The following TSSK1B variants were observed in gnomAD, a reference collection of about 807,000 sequenced individuals.
The protein encoded by TSSK1B is testis specific serine kinase 1B.
In TSSK1B, 2 loss-of-function variants were observed where a neutral mutation model predicts 4.0. That is an observed-to-expected ratio of 0.50 (90% CI 0.20 to 1.57). The LOEUF is 1.57. Ranked by LOEUF, TSSK1B falls within the 40% of genes most tolerant of loss-of-function variation. The pLI, the probability that TSSK1B is intolerant of heterozygous loss-of-function variation, is 0.22. For missense variants in TSSK1B, 488 were observed against 495.1 expected (o/e 0.99, Z 0.14); for synonymous variants, 198 against 200.7 (o/e 0.99, Z 0.11).
chr5:113,433,619 C>G lies in TSSK1B; in HGVS notation c.*117G>C, dbSNP rs1198940321. On this transcript the variant is annotated 3_prime_UTR_variant, in exon 1 of 1. Transcript: ENST00000390666. ...CAAGTTCAAGGGGAGAGAGAAGAAG[C>G]TGATGAAAATAGAGGCTCATCTGGG... 7.8e-7 allele frequency: 1 copy of G among 1,274,298 alleles called. No homozygotes were observed. Among genetic ancestry groups the G allele is most frequent in the Non-Finnish European group, 1.1e-6 (1 of 936,274 alleles). 78.9% of individuals were successfully genotyped at this position (1,274,298 alleles called of 1,614,324 possible).
chr5:113,433,359 T>A lies in TSSK1B; in HGVS notation c.*377A>T. 1 of 418,248 alleles carries A rather than the reference T, an allele frequency of 2.4e-6. No homozygotes were observed. The allele number at this position is 418,248 out of a possible 1,614,324, so 25.9% of individuals were successfully genotyped here. On this transcript the variant is annotated 3_prime_UTR_variant, in exon 1 of 1. Transcript: ENST00000390666. ...GGTCACGCAACTGCCCCGGGGACGA[T>A]GAAAGGAGGATAAATGGTGCCCAAG...
rs1010084987 is a variant in TSSK1B at position 113,433,030 on chromosome 5, C to T, written c.*706G>A. 1.3e-5 allele frequency: 2 copies of T among 152,190 alleles called. No homozygotes were observed. Among genetic ancestry groups the T allele is most frequent in the Non-Finnish European group, 2.9e-5 (2 of 68,054 alleles). The allele number at this position is 152,190 out of a possible 1,614,324, so 9.4% of individuals were successfully genotyped here. On this transcript the variant is annotated 3_prime_UTR_variant, in exon 1 of 1. Coordinates refer to ENST00000390666, the MANE Select transcript of TSSK1B (RefSeq NM_032028.4). ...TCTTTCCTCCCATTTTCTCCAGTTGCCATGCTACTCCTGAGGATCTAGGAT... is the reference window on the plus strand; with the variant it reads ...TCTTTCCTCCCATTTTCTCCAGTTGTCATGCTACTCCTGAGGATCTAGGAT...
At position 113,433,768 on chromosome 5, in the gene TSSK1B, G is replaced by A. The variant is rs1294189948; in HGVS notation, c.1072C>T (p.Pro358Ser). ...GCCCGCGTCTCTGGAGGCTGTTGGG[G>A]GGGCCCTTCCTCTGTCTCCATAGTC... ...PSTMETEEGP[P>S]QQPPETRAQ Residue 358 changes from proline to serine, a missense_variant, in exon 1 of 1, where the codon CCC becomes TCC. Physicochemically the swap from Pro to Ser is moderately conservative, Grantham distance 74. Transcript: ENST00000390666. 2.5e-6 allele frequency: 4 copies of A among 1,613,716 alleles called. No individual in the cohort carries two copies. Among genetic ancestry groups the A allele is most frequent in the Non-Finnish European group, 3.4e-6 (4 of 1,179,826 alleles).
Position 113,434,543 on chromosome 5 carries a change from G to C in TSSK1B, c.297C>G (p.Leu99=). ...GGGCTCCCCGGGTTTTGATTAACTCGAGGAGGTCGCCCTGGACCGCGAGCT... is the reference window on the plus strand; with the variant it reads ...GGGCTCCCCGGGTTTTGATTAACTCCAGGAGGTCGCCCTGGACCGCGAGCT... ...VMELAVQGDL[L]ELIKTRGALH... The change falls in exon 1 of 1, where the codon CTC becomes CTG. Residue 99 remains leucine (L), a synonymous_variant. Transcript: ENST00000390666. This position sits in a 1 kb window ranked among gnomAD's most constrained non-coding sequence, Gnocchi z 4.2. 1 of 1,613,146 alleles carries C rather than the reference G, an allele frequency of 6.2e-7. No individual in the cohort carries two copies.
Position 113,434,264 on chromosome 5 carries a change from G to A in TSSK1B, c.576C>T (p.Tyr192=). The change falls in exon 1 of 1, where the codon TAC becomes TAT. Residue 192 remains tyrosine (Y), a synonymous_variant. Coordinates refer to ENST00000390666, the MANE Select transcript of TSSK1B (RefSeq NM_032028.4). This position sits in a 1 kb window ranked among gnomAD's most constrained non-coding sequence, Gnocchi z 4.2. The part of the protein sequence containing the change: ...AAPEVLQGIP[Y]QPKVYDIWSL... ...TCCAGATGTCGTACACCTTGGGCTGGTAGGGAATGCCCTGCAGCACCTCTG... is the reference window on the plus strand; with the variant it reads ...TCCAGATGTCGTACACCTTGGGCTGATAGGGAATGCCCTGCAGCACCTCTG... The A allele has an allele frequency of 6.2e-7, 1 of 1,614,184 alleles. No individual in the cohort carries two copies. Among genetic ancestry groups the A allele is most frequent in the Non-Finnish European group, 8.5e-7 (1 of 1,180,018 alleles).
rs966855571 is a variant in TSSK1B, at chr5:113,433,089, T to G, written c.*647A>C. ...AAGAAGCACATATGGGGCACAAGATTTCTAGCACTTTAAAGCTTAATGCTT... is the reference window on the plus strand; with the variant it reads ...AAGAAGCACATATGGGGCACAAGATGTCTAGCACTTTAAAGCTTAATGCTT... On this transcript the variant is annotated 3_prime_UTR_variant, in exon 1 of 1. Coordinates refer to ENST00000390666, the MANE Select transcript of TSSK1B (RefSeq NM_032028.4). The G allele has an allele frequency of 6.5e-6, 1 of 153,384 alleles. No homozygotes were observed. Among genetic ancestry groups the G allele is most frequent in the Non-Finnish European group, 1.5e-5 (1 of 68,954 alleles). 9.5% of individuals were successfully genotyped at this position (153,384 alleles called of 1,614,324 possible). A position where few individuals can be genotyped will look rare whatever the true frequency, so the allele number is the denominator to read the frequency against.
At position 113,434,706 on chromosome 5, in the gene TSSK1B, C is replaced by T. The variant is rs534196861; in HGVS notation, c.134G>A (p.Arg45His). Residue 45 changes from arginine to histidine, a missense_variant, in exon 1 of 1, where the codon CGC becomes CAC. Coordinates refer to ENST00000390666, the MANE Select transcript of TSSK1B (RefSeq NM_032028.4). The surrounding 1 kb of genome is among the most constrained non-coding windows in gnomAD (Gnocchi z 4.2). ...KFNVAIKIID[R>H]KKAPADFLEK... is the part of the protein sequence containing the mutation. ...CAAGAAGTCTGCGGGGGCCTTCTTG[C>T]GGTCGATGATCTTGATCGCCACATT... is the stretch of plus-strand genomic sequence containing the variant. The T allele has an allele frequency of 1.3e-5, 21 of 1,614,012 alleles. No homozygotes were observed. The highest frequency in any genetic ancestry group is 5.5e-5 in the South Asian group (5 of 91,074).
Position 113,433,954 on chromosome 5 carries a change from G to A in TSSK1B, c.886C>T (p.Pro296Ser), listed in dbSNP as rs201394403. 2.5e-4 allele frequency: 409 copies of A among 1,613,990 alleles called. 3 individuals are homozygous for A. In the African/African-American group the frequency reaches 4.9e-3, roughly 19 times the overall value. The change falls in exon 1 of 1, where the codon CCC becomes TCC. Residue 296 changes from proline to serine, a missense_variant. Coordinates refer to ENST00000390666, the MANE Select transcript of TSSK1B (RefSeq NM_032028.4). Reference protein sequence around the residue: ...KEGESSRGTEPLWTPEPGSDK... With the variant: ...KEGESSRGTESLWTPEPGSDK... Reference sequence around the variant, plus strand: ...GAGCCAGGTTCGGGGGTCCACAAGGGTTCAGTTCCCCGGGAACTCTCCCCC... The same window carrying A: ...GAGCCAGGTTCGGGGGTCCACAAGGATTCAGTTCCCCGGGAACTCTCCCCC...
rs1352782795 is a variant in TSSK1B, at chr5:113,433,573, C to A, written c.*163G>T. ...TTTGGCCTCATCCACCTAGGGGCCA[C>A]GGGAGAACCATGTGGGTTACCAAGT... On this transcript the variant is annotated 3_prime_UTR_variant, in exon 1 of 1. Coordinates refer to ENST00000390666, the MANE Select transcript of TSSK1B (RefSeq NM_032028.4). 4.8e-5 allele frequency: 44 copies of A among 923,950 alleles called. No individual in the cohort carries two copies. The highest frequency in any genetic ancestry group is 8.7e-5 in the Admixed American group (3 of 34,542). 57.2% of individuals were successfully genotyped at this position (923,950 alleles called of 1,614,324 possible).
In TSSK1B at chr5:113,434,539, A is replaced by C; in HGVS notation, c.301T>G (p.Leu101Val). 1 of 1,612,248 alleles carries C rather than the reference A, an allele frequency of 6.2e-7. No homozygotes were observed. The highest frequency in any genetic ancestry group is 2.2e-5 in the East Asian group (1 of 44,786). Residue 101 changes from leucine (L) to valine (V), a missense_variant, in exon 1 of 1, where the codon TTA becomes GTA. Coordinates refer to ENST00000390666, the MANE Select transcript of TSSK1B (RefSeq NM_032028.4). This position sits in a 1 kb window ranked among gnomAD's most constrained non-coding sequence, Gnocchi z 4.2. ...ELAVQGDLLE[L>V]IKTRGALHED... ...TGCAGGGCTCCCCGGGTTTTGATTA[A>C]CTCGAGGAGGTCGCCCTGGACCGCG...
In TSSK1B at chr5:113,434,044, T is replaced by A. The variant is rs1411721687; in HGVS notation, c.796A>T (p.Ile266Phe). 2.5e-6 allele frequency: 4 copies of A among 1,613,922 alleles called. No homozygotes were observed. The highest frequency in any genetic ancestry group is 3.4e-6 in the Non-Finnish European group (4 of 1,179,918). Reference sequence around the variant, plus strand: ...GGCTGCATCCAGCAGTGGCTGAGGATCTCGTCGATGTGGAGCCGCCGGTTG... The same window carrying A: ...GGCTGCATCCAGCAGTGGCTGAGGAACTCGTCGATGTGGAGCCGCCGGTTG... ...DVNRRLHIDEILSHCWMQPKA... is the reference protein window; with the variant it reads ...DVNRRLHIDEFLSHCWMQPKA... The change falls in exon 1 of 1, where the codon ATC becomes TTC. Residue 266 changes from isoleucine (I) to phenylalanine (F), a missense_variant. Physicochemically the swap from Ile to Phe is conservative, Grantham distance 21 (BLOSUM62 0). Coordinates refer to ENST00000390666, the MANE Select transcript of TSSK1B (RefSeq NM_032028.4). The surrounding 1 kb of genome is among the most constrained non-coding windows in gnomAD (Gnocchi z 4.2).
At position 113,433,914 on chromosome 5, in the gene TSSK1B, G is replaced by A. The variant is rs367672503; in HGVS notation, c.926C>T (p.Ala309Val). Residue 309 changes from alanine (A) to valine (V), a missense_variant, in exon 1 of 1, where the codon GCC (alanine) becomes GTC (valine). Transcript: ENST00000390666. ...CTCTCCCTCAGGCTCCAGCTTGGTG[G>A]CAGACTTCTTGTCAGAGCCAGGTTC... is the stretch of plus-strand genomic sequence containing the variant. ...TPEPGSDKKS[A>V]TKLEPEGEAQ... The A allele has an allele frequency of 3.1e-6, 5 of 1,613,878 alleles. No individual in the cohort carries two copies. The African/African-American group carries it at 6.7e-5, about 22-fold the overall frequency.
In TSSK1B at chr5:113,434,017, TG is replaced by T; in HGVS notation, c.822del (p.Lys275ArgfsTer127). ...GCCACAGAGGGAGATCCCCGTGCCT[TG>T]GGCTGCATCCAGCAGTGGCTGAGGA... ...DEILSHCWMQPKARGSPSVAI... is the reference protein window; with the variant it reads ...DEILSHCWMQXKARGSPSVAI... On this transcript the variant is annotated frameshift_variant, in exon 1 of 1. Coordinates refer to ENST00000390666, the MANE Select transcript of TSSK1B (RefSeq NM_032028.4). LOFTEE classifies it low-confidence loss of function (END_TRUNC). This position sits in a 1 kb window ranked among gnomAD's most constrained non-coding sequence, Gnocchi z 4.2. 6.2e-7 allele frequency: 1 copy of T among 1,613,986 alleles called. No homozygotes were observed.
chr5:113,434,953 T>G lies in TSSK1B; in HGVS notation c.-114A>C. 3 of 1,313,150 alleles carry G rather than the reference T, an allele frequency of 2.3e-6. No homozygotes were observed. The highest frequency in any genetic ancestry group is 2.1e-6 in the Non-Finnish European group (2 of 963,326). The allele number at this position is 1,313,150 out of a possible 1,614,324, so 81.3% of individuals were successfully genotyped here. ...GAGAGTCCTTTGGGCTGGCCAGGCCTGCTGTTCCTGCCTCCTAGAGGCCAA... is the reference window on the plus strand; with the variant it reads ...GAGAGTCCTTTGGGCTGGCCAGGCCGGCTGTTCCTGCCTCCTAGAGGCCAA... On this transcript the variant is annotated 5_prime_UTR_variant, in exon 1 of 1. Transcript: ENST00000390666. The surrounding 1 kb of genome is among the most constrained non-coding windows in gnomAD (Gnocchi z 4.2).
chr5:113,434,231 G>GC lies in TSSK1B; in HGVS notation c.608dup (p.Val204ArgfsTer92), dbSNP rs776512859. ...CGCAGACCATGATGTAGAGGATCAC[G>GC]CCTAGGCTCCAGATGTCGTACACCT... On this transcript the variant is annotated frameshift_variant, in exon 1 of 1. Transcript: ENST00000390666. LOFTEE classifies it low-confidence loss of function (END_TRUNC). The surrounding 1 kb of genome is among the most constrained non-coding windows in gnomAD (Gnocchi z 4.2). 207 of 1,614,054 alleles carry GC rather than the reference G, an allele frequency of 1.3e-4. 1 individual carries two copies. The highest frequency in any genetic ancestry group is 3.3e-4 in the Middle Eastern group (2 of 6,062).
chr5:113,433,855 C>T lies in TSSK1B; in HGVS notation c.985G>A (p.Glu329Lys), dbSNP rs374009361. 4.0e-5 allele frequency: 64 copies of T among 1,614,012 alleles called. No homozygotes were observed. The highest frequency in any genetic ancestry group is 1.7e-4 in the African/African-American group (13 of 75,064). The part of the protein sequence containing the change: ...QPQAQPETKP[E>K]GTAMQMSRQS... ...CTGGACATTTGCATTGCTGTCCCCT[C>T]GGGTTTTGTCTCAGGCTGTGCCTGG... Residue 329 changes from glutamate to lysine, a missense_variant, in exon 1 of 1, where the codon GAG becomes AAG. By Grantham distance (56) the Glu-to-Lys change is moderately conservative. Transcript: ENST00000390666.
rs554963473 is a variant in TSSK1B, at chr5:113,433,156, T to C, written c.*580A>G. ...GGCTTCTTTAAAAGTTTATGGATCT[T>C]GCCCAGAGCTGGAGTCGGAGCCCCC... On this transcript the variant is annotated 3_prime_UTR_variant, in exon 1 of 1. Transcript: ENST00000390666. 126 of 169,860 alleles carry C rather than the reference T, an allele frequency of 7.4e-4. No individual in the cohort carries two copies. Among genetic ancestry groups the C allele is most frequent in the Admixed American group, 6.3e-3 (105 of 16,648 alleles). 10.5% of individuals were successfully genotyped at this position (169,860 alleles called of 1,614,324 possible). A position where few individuals can be genotyped will look rare whatever the true frequency, so the allele number is the denominator to read the frequency against.
In TSSK1B at chr5:113,433,566, G is replaced by C; in HGVS notation, c.*170C>G. On this transcript the variant is annotated 3_prime_UTR_variant, in exon 1 of 1. Coordinates refer to ENST00000390666, the MANE Select transcript of TSSK1B (RefSeq NM_032028.4). ...ATTTGACTTTGGCCTCATCCACCTA[G>C]GGGCCACGGGAGAACCATGTGGGTT... 1.2e-6 allele frequency: 1 copy of C among 849,900 alleles called. No homozygotes were observed. Among genetic ancestry groups the C allele is most frequent in the East Asian group, 2.7e-5 (1 of 37,490 alleles). 52.6% of individuals were successfully genotyped at this position (849,900 alleles called of 1,614,324 possible).
rs1276406384 is a variant in TSSK1B at position 113,434,777 on chromosome 5, G to T, written c.63C>A (p.Gly21=). Residue 21 remains glycine (G), a synonymous_variant, in exon 1 of 1, where the codon GGC becomes GGA. Transcript: ENST00000390666. The surrounding 1 kb of genome is among the most constrained non-coding windows in gnomAD (Gnocchi z 4.2). ...AAGCAGATTTTACTTTTGCATAGGAGCCCTCTCCTAAATTTATCCCCAGGA... is the reference window on the plus strand; with the variant it reads ...AAGCAGATTTTACTTTTGCATAGGATCCCTCTCCTAAATTTATCCCCAGGA... ...GYLLGINLGE[G]SYAKVKSAYS... 1 of 1,613,938 alleles carries T rather than the reference G, an allele frequency of 6.2e-7. No individual in the cohort carries two copies. Among genetic ancestry groups the T allele is most frequent in the East Asian group, 2.2e-5 (1 of 44,872 alleles).
Sources: allele counts gnomAD v4.1 joint callset, GRCh38; gene constraint gnomAD v4.1.1; non-coding constraint Gnocchi (gnomAD v3.1); transcripts MANE v1.5; gene names NCBI Gene and HGNC (gene_info 2026-07-23, HGNC 2026-07-21).